GALNT1: variants seen among roughly 807,000 people sequenced by gnomAD.
The protein encoded by GALNT1 is polypeptide N-acetylgalactosaminyltransferase 1, also known as GalNAc transferase 1.
In GALNT1, 17 loss-of-function variants were observed where a neutral mutation model predicts 65.7. That is an observed-to-expected ratio of 0.26 (90% confidence interval 0.18 to 0.39). The LOEUF (loss-of-function observed/expected upper bound fraction) is 0.39, where lower values mean the gene tolerates loss of function less well. Ranked by LOEUF, GALNT1 falls within the 10% of genes least tolerant of loss-of-function variation. The pLI is 1.00. For synonymous variants in GALNT1, 210 were observed against 219.7 expected (o/e 0.96, Z 0.39); for missense variants, 460 against 672.8 (o/e 0.68, Z 3.50).
intron 1 of GALNT1, among the ~76,000 whole-genome samples, chr18:35,620,307 T>C (rs1380195221): frequency 2.0e-5 from 3 of 152,152 alleles, no homozygotes; most frequent in Non-Finnish European, 4.4e-5. Flanking sequence ...TAAAAATCTT[T>C]CCCATATTCC....
At chr18:35,651,088 C>G (rs530231740) in intron 1 of GALNT1, among the ~76,000 whole-genome samples, 2 of 152,320 alleles carry the variant, frequency 1.3e-5, no homozygotes, top group Non-Finnish European at 2.9e-5. Flanking sequence ...TCTGCCATGG[C>G]TTCAGCTGGT....
intron 3 of GALNT1, among the ~76,000 whole-genome samples, chr18:35,670,649 A>G (rs2047621477): frequency 6.6e-6 from 1 of 152,234 alleles, no homozygotes; most frequent in Non-Finnish European, 1.5e-5. Context: ...TTGATTCTCA[A>G]ATGTGACTGG....
At chr18:35,628,312 C>A (rs539626637) in intron 1 of GALNT1, among the ~76,000 whole-genome samples, 3 of 152,164 alleles carry the variant, frequency 2.0e-5, no homozygotes, top group Non-Finnish European at 4.4e-5. Flanking sequence ...CTGGGAGGCA[C>A]CCCCCAGTAG....
At chr18:35,650,143 C>T (rs2047290940) in intron 1 of GALNT1, among the ~76,000 whole-genome samples, 1 of 152,088 alleles carries the variant, frequency 6.6e-6, no homozygotes, top group African/African-American at 2.4e-5. Context: ...TAAGTGTCCT[C>T]CGGTCTGAGA....
intron 3 of GALNT1, among the ~76,000 whole-genome samples, chr18:35,665,593 GA>G (rs869217129): frequency 3.9e-5 from 6 of 151,988 alleles, no homozygotes; most frequent in Non-Finnish European, 5.9e-5. Context: ...CCCCAGGGGG[GA>G]AAAAAGACCT....
intron 1 of GALNT1, among the ~76,000 whole-genome samples, chr18:35,641,944 TATGAAATTCA>T (rs751241189): frequency 2.6e-5 from 4 of 152,238 alleles, no homozygotes; most frequent in Non-Finnish European, 4.4e-5. Flanking sequence ...GTGAAAATTA[TATGAAATTCA>T]AATTTTGGTG....
At chr18:35,633,804 T>C (rs534108357) in intron 1 of GALNT1, among the ~76,000 whole-genome samples, 1 of 152,286 alleles carries the variant, frequency 6.6e-6, no homozygotes, top group East Asian at 1.9e-4. Flanking sequence ...TAAAGCATAG[T>C]CCCAATACTA....
intron 1 of GALNT1, among the ~76,000 whole-genome samples, chr18:35,605,542 G>A (rs1212960942): frequency 1.3e-5 from 2 of 150,172 alleles, no homozygotes; most frequent in Non-Finnish European, 3.0e-5. Flanking sequence ...TGCTTAAAAC[G>A]AGCAGTATTT....
intron 7 of GALNT1, 140 bp downstream of exon 7, chr18:35,689,430 A>G: frequency 3.3e-6 from 2 of 602,520 alleles, no homozygotes; most frequent in Non-Finnish European, 5.9e-6. Context: ...CAGTCCATAA[A>G]AAGGACTGAT....
At chr18:35,647,646 G>A (rs2047248805) in intron 1 of GALNT1, among the ~76,000 whole-genome samples, 1 of 152,134 alleles carries the variant, frequency 6.6e-6, no homozygotes, top group Admixed American at 6.6e-5. Context: ...TGTCTGGTTA[G>A]TATGATGTAA....
chr18:35,701,264 A>G (rs11663515), intron 9 of GALNT1, among the ~76,000 whole-genome samples: 14,492 of 152,110 alleles, frequency 0.095, 767 homozygotes, highest in Admixed American at 0.17. Context: ...TGTAGAGACA[A>G]GGTCTTGCTA....
chr18:35,685,079 G>A (rs1013601857), intron 5 of GALNT1, among the ~76,000 whole-genome samples: 6 of 152,174 alleles, frequency 3.9e-5, no homozygotes, highest in African/African-American at 1.2e-4. Flanking sequence ...AAGAGGAAAC[G>A]AACCAAACTC....
At chr18:35,625,071 T>C (rs1281081542) in intron 1 of GALNT1, among the ~76,000 whole-genome samples, 1 of 152,154 alleles carries the variant, frequency 6.6e-6, no homozygotes, top group East Asian at 1.9e-4. Context: ...AAGAATAACA[T>C]TGGGGGTGGA....
chr18:35,595,594 T>C (rs1203673600), intron 1 of GALNT1, among the ~76,000 whole-genome samples: 1 of 152,210 alleles, frequency 6.6e-6, no homozygotes, highest in African/African-American at 2.4e-5. Flanking sequence ...ATTGTGAATT[T>C]AGGGATGCTC....
rs1410530988 is a variant in GALNT1, at chr18:35,677,660, T to C, written c.384T>C (p.Ala128=). Reference sequence around the variant, plus strand: ...TGGTGATTGTTTTCCACAATGAGGCTTGGAGCACACTTCTGCGAACTGTCC... The same window carrying C: ...TGGTGATTGTTTTCCACAATGAGGCCTGGAGCACACTTCTGCGAACTGTCC... ...TSVVIVFHNE[A]WSTLLRTVHS... The change falls in exon 4 of 12, where the codon GCT becomes GCC. Residue 128 remains alanine (A), a synonymous_variant. Transcript: ENST00000269195. 1 of 1,613,482 alleles carries C rather than the reference T, an allele frequency of 6.2e-7. No homozygotes were observed. Among genetic ancestry groups the C allele is most frequent in the Non-Finnish European group, 8.5e-7 (1 of 1,179,532 alleles).
intron 1 of GALNT1, among the ~76,000 whole-genome samples, chr18:35,636,274 T>TAAA (rs1212169491): frequency 6.6e-6 from 1 of 152,200 alleles, no homozygotes; most frequent in Non-Finnish European, 1.5e-5. Context: ...TTCCTCGACT[T>TAAA]ACTTGACTCT....
At chr18:35,704,625 T>A (rs1044992141) in intron 11 of GALNT1, among the ~76,000 whole-genome samples, 3 of 146,304 alleles carry the variant, frequency 2.1e-5, no homozygotes, top group African/African-American at 7.9e-5. Context: ...TTCTAATTTA[T>A]TTTTTTTTAT....
intron 1 of GALNT1, among the ~76,000 whole-genome samples, chr18:35,611,960 G>A (rs1344920239): frequency 1.3e-5 from 2 of 152,130 alleles, no homozygotes; most frequent in Non-Finnish European, 2.9e-5. Context: ...CCCTTTGGGA[G>A]TTTTATCTGA....
intron 9 of GALNT1, 106 bp downstream of exon 9, chr18:35,692,426 G>C: frequency 6.1e-6 from 4 of 652,662 alleles, no homozygotes; most frequent in Non-Finnish European, 9.3e-6. Flanking sequence ...GTACCTTCAT[G>C]TTAACATTTA....
Sources: gnomAD v4.1 joint callset for allele counts (sites outside exome capture counted in the v4.1 genomes callset) on GRCh38, gnomAD v4.1.1 for gene constraint, MANE v1.5 for transcripts, NCBI Gene and HGNC (gene_info 2026-07-23, HGNC 2026-07-21) for gene names.